The following RAD51B variants were observed in gnomAD, a reference collection of about 807,000 sequenced individuals.
RAD51B encodes RAD51 paralog B.
Under a neutral mutation model 42.2 loss-of-function variants are expected in RAD51B, and 38 were observed. That is an observed-to-expected ratio of 0.90 (90% CI 0.70 to 1.18). The LOEUF is 1.18. Ranked by LOEUF, RAD51B falls within the 50% of genes most tolerant of loss-of-function variation. The probability of loss-of-function intolerance (pLI) is 0.00; values close to 1 mark genes in which losing one functional copy is unlikely to be tolerated. For missense variants in RAD51B, 373 were observed against 400.7 expected (o/e 0.93, Z 0.59); for synonymous variants, 154 against 145.2 (o/e 1.06, Z -0.43).
intron 8 of RAD51B, among the ~76,000 whole-genome samples, chr14:68,384,906 T>G (rs1665905572): frequency 6.6e-6 from 1 of 152,176 alleles, no homozygotes; most frequent in South Asian, 2.1e-4. Flanking sequence ...GAAAGTGGTG[T>G]TATAGCTCCT....
intron 7 of RAD51B, among the ~76,000 whole-genome samples, chr14:68,032,985 A>T (rs2076070130): frequency 6.6e-6 from 1 of 152,058 alleles, no homozygotes. Flanking sequence ...TCTGGTTTCA[A>T]CCTAAACTTT....
intron 7 of RAD51B, among the ~76,000 whole-genome samples, chr14:67,935,228 G>C (rs10136790): frequency 0.27 from 41,507 of 152,002 alleles, 7,360 homozygotes; most frequent in African/African-American, 0.5. Context: ...CATCCTTTAA[G>C]ATTTTTTTTA....
At chr14:68,073,203 C>T (rs915221556) in intron 7 of RAD51B, among the ~76,000 whole-genome samples, 12 of 152,114 alleles carry the variant, frequency 7.9e-5, no homozygotes, top group Admixed American at 7.9e-4. Flanking sequence ...TCTAGGTGCT[C>T]CAGTGTTGGG....
intron 11 of RAD51B, among the ~76,000 whole-genome samples, chr14:68,676,675 G>A (rs1595059647): frequency 1.3e-5 from 2 of 152,252 alleles, no homozygotes; most frequent in African/African-American, 4.8e-5. Flanking sequence ...TTCTGGAGGA[G>A]GCAGGTGTGG....
chr14:68,308,006 A>AT (rs890687731), intron 8 of RAD51B, among the ~76,000 whole-genome samples: 10 of 151,304 alleles, frequency 6.6e-5, no homozygotes, highest in East Asian at 1.9e-4. Context: ...TGATGCAGTG[A>AT]TTTTTTTTTC....
intron 11 of RAD51B, among the ~76,000 whole-genome samples, chr14:68,677,730 T>C (rs1893341327): frequency 6.6e-6 from 1 of 152,212 alleles, no homozygotes; most frequent in Non-Finnish European, 1.5e-5. Flanking sequence ...GGCATTGGCG[T>C]CATTCCAGTG....
At chr14:68,349,032 T>C (rs1684270156) in intron 8 of RAD51B, among the ~76,000 whole-genome samples, 1 of 152,240 alleles carries the variant, frequency 6.6e-6, no homozygotes, top group African/African-American at 2.4e-5. Context: ...GAAGTCACCA[T>C]AGATGATACC....
At chr14:67,988,048 C>A (rs938401426) in intron 7 of RAD51B, among the ~76,000 whole-genome samples, 1 of 152,072 alleles carries the variant, frequency 6.6e-6, no homozygotes, top group Non-Finnish European at 1.5e-5. Context: ...CCAATAACAA[C>A]CAACAAACAG....
intron 8 of RAD51B, among the ~76,000 whole-genome samples, chr14:68,390,921 C>T (rs995721902): frequency 9.8e-5 from 15 of 152,332 alleles, no homozygotes; most frequent in African/African-American, 2.6e-4. Context: ...GATCTAAAGA[C>T]GTACTTGTCT....
chr14:67,899,328 T>C (rs530898861), intron 7 of RAD51B, among the ~76,000 whole-genome samples: 10 of 151,926 alleles, frequency 6.6e-5, no homozygotes, highest in Non-Finnish European at 1.2e-4. Flanking sequence ...GGATTACAGG[T>C]GTGAGCCACC....
chr14:67,843,920 G>C (rs2041519319), intron 4 of RAD51B, among the ~76,000 whole-genome samples: 1 of 151,390 alleles, frequency 6.6e-6, no homozygotes. Flanking sequence ...TTGCTTCTCT[G>C]TTTCCTCTAG....
chr14:68,161,544 A>G (rs2078639089), intron 7 of RAD51B, among the ~76,000 whole-genome samples: 1 of 152,180 alleles, frequency 6.6e-6, no homozygotes, highest in African/African-American at 2.4e-5. Context: ...TTGAGAGTAG[A>G]AGAGATCTGT....
intron 7 of RAD51B, among the ~76,000 whole-genome samples, chr14:68,274,477 A>G (rs1400709158): frequency 7.2e-5 from 11 of 152,204 alleles, no homozygotes; most frequent in Admixed American, 7.2e-4. Flanking sequence ...ACAATTCATT[A>G]ATATCATCCA....
At chr14:67,859,011 G>T (rs528098657) in intron 4 of RAD51B, among the ~76,000 whole-genome samples, 1 of 152,310 alleles carries the variant, frequency 6.6e-6, no homozygotes, top group Admixed American at 6.5e-5. Flanking sequence ...TCATTAGGTT[G>T]TGGGAAGAAA....
intron 7 of RAD51B, among the ~76,000 whole-genome samples, chr14:68,055,688 T>C (rs1201846387): frequency 6.6e-6 from 1 of 152,194 alleles, no homozygotes; most frequent in East Asian, 1.9e-4. Context: ...GGATCTCTCA[T>C]GAGGTTTCAG....
At chr14:68,584,806 T>C (rs538759341) in intron 10 of RAD51B, among the ~76,000 whole-genome samples, 19 of 152,330 alleles carry the variant, frequency 1.2e-4, no homozygotes, top group Admixed American at 3.3e-4. Context: ...GCATTTTTAT[T>C]CTTCCATGTT....
chr14:68,243,961 T>G (rs1347052706), intron 7 of RAD51B, among the ~76,000 whole-genome samples: 1 of 152,210 alleles, frequency 6.6e-6, no homozygotes, highest in East Asian at 1.9e-4. Flanking sequence ...TGGTATCAGT[T>G]TCAATTTTGT....
chr14:68,260,975 A>G (rs967116979), intron 7 of RAD51B, among the ~76,000 whole-genome samples: 4 of 152,264 alleles, frequency 2.6e-5, no homozygotes, highest in Non-Finnish European at 5.9e-5. Flanking sequence ...TGAAATGCCT[A>G]ATCTAACCTT....
In RAD51B at chr14:68,648,155, GTA is replaced by G. The variant is rs368723351; in HGVS notation, c.1037-2613_1037-2612del. 8.1e-4 allele frequency among the ~76,000 whole-genome samples: 83 copies of G among 102,422 alleles called. 1 individual carries two copies. Among genetic ancestry groups the G allele is most frequent in the African/African-American group, 3.2e-3 (76 of 23,842 alleles). 67.2% of individuals were successfully genotyped at this position (102,422 alleles called of 152,430 possible). ...CACGTATATATATATATACACACAC[GTA>G]TATATATATATACACACGTATATAT... On this transcript the variant is annotated intron_variant, in intron 10 of 11. Transcript: ENST00000488612.
Sources: gnomAD v4.1 joint callset for allele counts (sites outside exome capture counted in the v4.1 genomes callset) on GRCh38, gnomAD v4.1.1 for gene constraint, MANE v1.5 for transcripts, NCBI Gene and HGNC (gene_info 2026-07-23, HGNC 2026-07-21) for gene names.